TSPAN5: variants seen among roughly 807,000 people sequenced by gnomAD.
TSPAN5 encodes tetraspanin 5.
A neutral mutation model predicts 37.1 loss-of-function variants in TSPAN5; 10 were observed. The ratio of observed to expected loss-of-function variants is 0.27; its 90% CI spans 0.17 to 0.46. The LOEUF (loss-of-function observed/expected upper bound fraction) is 0.46, where lower values mean the gene tolerates loss of function less well. Ranked by LOEUF, TSPAN5 falls within the 20% of genes least tolerant of loss-of-function variation. TSPAN5 has a pLI of 1.00. For missense variants in TSPAN5, 195 were observed against 326.6 expected, an observed-to-expected ratio of 0.60 and a Z score of 3.11; for synonymous variants, 110 against 118.9, an observed-to-expected ratio of 0.93 and a Z score of 0.48.
Position 98,626,355 on chromosome 4 carries a change from A to G in TSPAN5, c.81+31791T>C, listed in dbSNP as rs7682381. 4.8e-4 allele frequency among the ~76,000 whole-genome samples: 73 copies of G among 152,126 alleles called. 1 individual carries two copies. In the South Asian group the frequency reaches 0.015, roughly 30 times the overall value. ...TCTTAAATTGATCTCTCTGCTTCTA[A>G]CCTTGACCCCATCCCTACATACCTG... is the stretch of plus-strand genomic sequence containing the variant. On this transcript the variant is annotated intron_variant, in intron 1 of 7. Transcript: ENST00000305798.
rs150476051 is a variant in TSPAN5, at chr4:98,631,581, C to G, written c.81+26565G>C. Reference sequence around the variant, plus strand: ...TGCAGGGCCAACATGAAGGGAGCCACCACTTCAAGGTCCCATCCAACTGCT... The same window carrying G: ...TGCAGGGCCAACATGAAGGGAGCCAGCACTTCAAGGTCCCATCCAACTGCT... On this transcript the variant is annotated intron_variant, in intron 1 of 7. Transcript: ENST00000305798. 5.2e-4 allele frequency among the ~76,000 whole-genome samples: 79 copies of G among 152,254 alleles called. 1 individual carries two copies. The highest frequency in any genetic ancestry group is 1.8e-3 in the African/African-American group (76 of 41,540).
chr4:98,559,156 G>A lies in TSPAN5; in HGVS notation c.82-51428C>T, dbSNP rs146172049. Among the ~76,000 whole-genome samples, 457 of 152,160 alleles carry A rather than the reference G, an allele frequency of 3.0e-3. 4 individuals carry two copies. Among genetic ancestry groups the A allele is most frequent in the Admixed American group, 0.011 (166 of 15,290 alleles). Reference sequence around the variant, plus strand: ...TCAAACAGTATTACTAGACAGTAACGACACTAAGACAATTTCCCTCCCATG... The same window carrying A: ...TCAAACAGTATTACTAGACAGTAACAACACTAAGACAATTTCCCTCCCATG... On this transcript the variant is annotated intron_variant, in intron 1 of 7. Transcript: ENST00000305798.
At chr4:98,553,287 GA>G (rs1754663393) in intron 1 of TSPAN5, among the ~76,000 whole-genome samples, 1 of 152,132 alleles carries the variant, frequency 6.6e-6, no homozygotes, top group African/African-American at 2.4e-5. Flanking sequence ...CAAGAGGAAG[GA>G]AAACTAAAGT....
At chr4:98,610,693 G>A (rs1278580075) in intron 1 of TSPAN5, among the ~76,000 whole-genome samples, 1 of 152,130 alleles carries the variant, frequency 6.6e-6, no homozygotes, top group Admixed American at 6.5e-5. Context: ...TTCATTTAGG[G>A]CTACAGTAGG....
intron 1 of TSPAN5, among the ~76,000 whole-genome samples, chr4:98,567,220 G>A (rs1755024752): frequency 6.6e-6 from 1 of 152,170 alleles, no homozygotes; most frequent in African/African-American, 2.4e-5. Flanking sequence ...GCCCTCAAAG[G>A]GTTTATTGTC....
At chr4:98,619,234 C>G (rs1243025852) in intron 1 of TSPAN5, among the ~76,000 whole-genome samples, 1 of 152,166 alleles carries the variant, frequency 6.6e-6, no homozygotes, top group Non-Finnish European at 1.5e-5. Flanking sequence ...AGACATTTGG[C>G]TTTGCTTATA....
intron 2 of TSPAN5, among the ~76,000 whole-genome samples, 174 bp downstream of exon 2, chr4:98,507,504 C>T (rs1373412484): frequency 1.3e-5 from 2 of 152,146 alleles, no homozygotes; most frequent in Non-Finnish European, 2.9e-5. Flanking sequence ...TCAATTTAGG[C>T]ACAATTCCTA....
chr4:98,473,950 T>C (rs1316602594), intron 7 of TSPAN5, among the ~76,000 whole-genome samples: 1 of 152,192 alleles, frequency 6.6e-6, no homozygotes, highest in East Asian at 1.9e-4. Context: ...GTTTGTCTTT[T>C]TATTGTTGAC....
chr4:98,533,935 ATCT>A (rs1754165063), intron 1 of TSPAN5, among the ~76,000 whole-genome samples: 1 of 124,096 alleles, frequency 8.1e-6, no homozygotes, highest in Non-Finnish European at 1.7e-5. Context: ...CATTTTGTTG[ATCT>A]TAAAAAAAAA....
intron 1 of TSPAN5, among the ~76,000 whole-genome samples, chr4:98,644,845 C>A (rs972288761): frequency 6.6e-6 from 1 of 152,166 alleles, no homozygotes; most frequent in Non-Finnish European, 1.5e-5. Context: ...GGGTTAGCAA[C>A]TTTTCAGAAA....
intron 5 of TSPAN5, 122 bp from the exon 6 acceptor site, chr4:98,476,582 C>T (rs1485820417): frequency 2.4e-6 from 2 of 847,386 alleles, no homozygotes; most frequent in Non-Finnish European, 3.9e-6. Context: ...ACAAAGACTG[C>T]AGCACTATGT....
At chr4:98,589,685 A>G (rs2110205789) in intron 1 of TSPAN5, among the ~76,000 whole-genome samples, 1 of 152,376 alleles carries the variant, frequency 6.6e-6, no homozygotes, top group Non-Finnish European at 1.5e-5. Flanking sequence ...CAGAAACAGC[A>G]ACAATGTAAT....
intron 1 of TSPAN5, among the ~76,000 whole-genome samples, chr4:98,591,073 T>G (rs1412045014): frequency 6.6e-6 from 1 of 150,420 alleles, no homozygotes; most frequent in African/African-American, 2.5e-5. Context: ...TTTTTTGTTT[T>G]TTTGTTTTTT....
At chr4:98,523,358 G>A (rs1310155197) in intron 1 of TSPAN5, among the ~76,000 whole-genome samples, 1 of 152,210 alleles carries the variant, frequency 6.6e-6, no homozygotes, top group Non-Finnish European at 1.5e-5. Context: ...AGATATAAAA[G>A]CATGTGCTAG....
intron 1 of TSPAN5, among the ~76,000 whole-genome samples, chr4:98,591,793 T>A (rs1755639875): frequency 6.6e-6 from 1 of 151,712 alleles, no homozygotes; most frequent in African/African-American, 2.4e-5. Context: ...TTCCCATTAG[T>A]CATCATTTAT....
chr4:98,568,229 C>T (rs937870574), intron 1 of TSPAN5, among the ~76,000 whole-genome samples: 2 of 152,062 alleles, frequency 1.3e-5, no homozygotes, highest in African/African-American at 2.4e-5. Flanking sequence ...TCCTCTTATT[C>T]CACAGGGAAA....
At chr4:98,501,982 C>A (rs1371664445) in intron 2 of TSPAN5, among the ~76,000 whole-genome samples, 1 of 152,184 alleles carries the variant, frequency 6.6e-6, no homozygotes, top group East Asian at 1.9e-4. Flanking sequence ...CAGGGTATAA[C>A]AGCGGAGGTG....
At chr4:98,569,566 A>C (rs1755075464) in intron 1 of TSPAN5, among the ~76,000 whole-genome samples, 1 of 152,210 alleles carries the variant, frequency 6.6e-6, no homozygotes, top group South Asian at 2.1e-4. Flanking sequence ...GGCTACAGAC[A>C]TAAGGTGACC....
rs560109590 is a variant in TSPAN5, at chr4:98,477,501, G to A, written c.577-1041C>T. ...CCACTGAGCTCATCAGCACCCACTC[G>A]GCTCTGCTTCTGAGGGGTAAGGGCG... is the stretch of plus-strand genomic sequence containing the variant. On this transcript the variant is annotated intron_variant, in intron 5 of 7. Transcript: ENST00000305798. Among the ~76,000 whole-genome samples, 9 of 152,206 alleles carry A rather than the reference G, an allele frequency of 5.9e-5. No individual in the cohort carries two copies. In the South Asian group the frequency reaches 1.5e-3, roughly 25 times the overall value.
Sources: gnomAD v4.1 joint callset for allele counts (sites outside exome capture counted in the v4.1 genomes callset) on GRCh38, gnomAD v4.1.1 for gene constraint, MANE v1.5 for transcripts, NCBI Gene and HGNC (gene_info 2026-07-23, HGNC 2026-07-21) for gene names.